The following ROBO1 variants were observed in gnomAD, a reference collection of about 807,000 sequenced individuals.
ROBO1 encodes the protein roundabout homolog 1.
ROBO1 carries 149 observed loss-of-function variants against 195.9 expected under a neutral mutation model. The observed-to-expected ratio is 0.76, with a 90% confidence interval of 0.67 to 0.87. The LOEUF is 0.87. ROBO1 is among the 40% of genes least tolerant of loss of function. ROBO1 has a pLI of 0.00. For synonymous variants in ROBO1, 816 were observed against 733.2 expected (o/e 1.11, Z -1.82); for missense variants, 1,933 against 2,068.3 (o/e 0.93, Z 1.27).
chr3:78,852,146 T>G (rs1243531548), intron 4 of ROBO1, among the ~76,000 whole-genome samples: 1 of 152,112 alleles, frequency 6.6e-6, no homozygotes, highest in Non-Finnish European at 1.5e-5. Flanking sequence ...GTGTTCATTT[T>G]TAATGGTTTC....
intron 18 of ROBO1, among the ~76,000 whole-genome samples, chr3:78,656,684 G>A (rs1707047757): frequency 6.6e-6 from 1 of 152,114 alleles, no homozygotes; most frequent in African/African-American, 2.4e-5. Flanking sequence ...GCAACTGTGA[G>A]TTCCATGAAG....
At chr3:79,370,675 A>G (rs2036159827) in intron 2 of ROBO1, among the ~76,000 whole-genome samples, 1 of 151,308 alleles carries the variant, frequency 6.6e-6, no homozygotes, top group Non-Finnish European at 1.5e-5. Flanking sequence ...ATAATGTATT[A>G]TATATATATT....
intron 2 of ROBO1, among the ~76,000 whole-genome samples, chr3:79,484,753 A>ATTTTTTTTTT (rs1402757273): frequency 2.8e-4 from 5 of 17,698 alleles, no homozygotes; most frequent in African/African-American, 1.3e-3. Flanking sequence ...TCATTGCACT[A>ATTTTTTTTTT]TCTTTTTTTT....
intron 15 of ROBO1, 104 bp from the exon 16 acceptor site, chr3:78,661,365 T>C: frequency 1.6e-6 from 1 of 632,458 alleles, no homozygotes; most frequent in Non-Finnish European, 2.5e-6. Context: ...TCTGTCTGGC[T>C]TCATCCCACA....
intron 3 of ROBO1, among the ~76,000 whole-genome samples, chr3:79,061,714 G>A (rs1426282407): frequency 6.6e-6 from 1 of 152,068 alleles, no homozygotes. Context: ...ACAACCATCT[G>A]ACCTTTGACA....
Position 78,636,096 on chromosome 3 carries a change from G to C in ROBO1, c.3050C>G (p.Ala1017Gly), listed in dbSNP as rs1179081170. Residue 1017 changes from alanine (A) to glycine (G), a missense_variant, in exon 23 of 31, where the codon GCA becomes GGA. Physicochemically the swap from Ala to Gly is moderately conservative, Grantham distance 60 (BLOSUM62 0). Around this residue, in one of 3 missense-constraint regions of ROBO1, gnomAD observed 1,737 missense variants for 1,882.5 expected, o/e 0.92. Coordinates refer to ENST00000464233, the MANE Select transcript of ROBO1 (RefSeq NM_002941.4). ...TTYSRPADCI[A>G]NYNNQLDNKQ... The stretch of plus-strand genomic sequence containing the variant: ...GTTATCCAGTTGGTTGTTATAATTT[G>C]CTATACAATCAGCTATGTGCAATGG... 3 of 1,610,416 alleles carry C rather than the reference G, an allele frequency of 1.9e-6. No homozygotes were observed. Among genetic ancestry groups the C allele is most frequent in the Middle Eastern group, 1.7e-4 (1 of 6,044 alleles).
intron 1 of ROBO1, among the ~76,000 whole-genome samples, chr3:79,732,910 TC>T (rs1164773689): frequency 1.3e-5 from 2 of 151,988 alleles, no homozygotes; most frequent in African/African-American, 2.4e-5. Context: ...AGACTCCCAA[TC>T]CCTTTCTCTT....
intron 2 of ROBO1, among the ~76,000 whole-genome samples, chr3:79,364,669 C>T (rs1403254216): frequency 6.6e-6 from 1 of 152,054 alleles, no homozygotes; most frequent in Admixed American, 6.5e-5. Flanking sequence ...ATTAATCAAT[C>T]CAGTTTCTGT....
intron 2 of ROBO1, among the ~76,000 whole-genome samples, chr3:79,500,473 C>G (rs1940009657): frequency 6.6e-6 from 1 of 152,164 alleles, no homozygotes; most frequent in African/African-American, 2.4e-5. Context: ...TGCTGAGCTC[C>G]ATTGTTGTTG....
intron 3 of ROBO1, among the ~76,000 whole-genome samples, chr3:79,021,954 G>A (rs1046655479): frequency 6.6e-6 from 1 of 152,096 alleles, no homozygotes; most frequent in Non-Finnish European, 1.5e-5. Context: ...GCCCTGCCGC[G>A]CCCGGCCTAG....
intron 16 of ROBO1, 164 bp downstream of exon 16, chr3:78,660,866 T>A (rs567614653): frequency 1.7e-6 from 1 of 585,144 alleles, no homozygotes; most frequent in East Asian, 2.8e-5. Flanking sequence ...ATTTTGCTTT[T>A]CTAGTTTTCT....
intron 21 of ROBO1, among the ~76,000 whole-genome samples, chr3:78,640,375 T>C (rs541300852): frequency 6.6e-6 from 1 of 152,164 alleles, no homozygotes; most frequent in African/African-American, 2.4e-5. Flanking sequence ...TACTGGCGTA[T>C]TTTTCTCCAA....
At chr3:78,662,244 GAAAAAA>G in intron 14 of ROBO1, 130 bp from the exon 15 acceptor site, 1 of 423,936 alleles carries the variant, frequency 2.4e-6, no homozygotes, top group Non-Finnish European at 3.9e-6. Context: ...CTGTGATTCG[GAAAAAA>G]AAAAAAAAAG....
intron 2 of ROBO1, among the ~76,000 whole-genome samples, chr3:79,440,858 T>C (rs907532580): frequency 2.0e-5 from 3 of 152,126 alleles, no homozygotes; most frequent in Admixed American, 6.6e-5. Context: ...AAGGGAGTCA[T>C]GCGGAGGGCT....
At chr3:79,135,461 T>G (rs1416371128) in intron 2 of ROBO1, among the ~76,000 whole-genome samples, 1 of 152,154 alleles carries the variant, frequency 6.6e-6, no homozygotes, top group African/African-American at 2.4e-5. Context: ...AATGAAGACT[T>G]GAGATCCAGC....
In ROBO1 at chr3:79,625,118, T is replaced by G. The variant is rs535192827; in HGVS notation, c.-50-35157A>C. Among the ~76,000 whole-genome samples the G allele has an allele frequency of 7.2e-5, 11 of 151,736 alleles. No individual in the cohort carries two copies. The South Asian group carries it at 2.1e-3, about 29-fold the overall frequency. On this transcript the variant is annotated intron_variant, in intron 1 of 30. Transcript: ENST00000464233. Reference sequence around the variant, plus strand: ...ATGAATCCTGGGTAAATAGTAAAATTAAGGCAGAAATCAAGAAGTTCTTTG... The same window carrying G: ...ATGAATCCTGGGTAAATAGTAAAATGAAGGCAGAAATCAAGAAGTTCTTTG...
intron 3 of ROBO1, among the ~76,000 whole-genome samples, chr3:78,949,548 C>A (rs2107763137): frequency 6.6e-6 from 1 of 152,012 alleles, no homozygotes; most frequent in Non-Finnish European, 1.5e-5. Context: ...GACCTAAAAC[C>A]ATAAAAACCC....
intron 2 of ROBO1, among the ~76,000 whole-genome samples, chr3:79,480,748 G>A (rs1370142377): frequency 6.6e-6 from 1 of 152,070 alleles, no homozygotes; most frequent in African/African-American, 2.4e-5. Flanking sequence ...ATTGGAGCTT[G>A]GTTTAGTTTA....
intron 3 of ROBO1, among the ~76,000 whole-genome samples, chr3:79,083,966 TAC>T (rs1242260407): frequency 6.6e-6 from 1 of 152,200 alleles, no homozygotes; most frequent in African/African-American, 2.4e-5. Context: ...TCTGTAGAAT[TAC>T]AGTGTTTTTC....
Sources: allele counts gnomAD v4.1 joint callset (sites outside exome capture counted in the v4.1 genomes callset), GRCh38; gene constraint gnomAD v4.1.1; regional missense constraint gnomAD v4.1.1; transcripts MANE v1.5; gene names NCBI Gene and HGNC (gene_info 2026-07-23, HGNC 2026-07-21).